ANKRD6: variants seen among roughly 807,000 people sequenced by gnomAD.
ANKRD6 encodes ankyrin repeat domain-containing protein 6.
In ANKRD6, 56 loss-of-function variants were observed where a neutral mutation model predicts 82.3. The observed-to-expected ratio is 0.68, with a 90% confidence interval of 0.55 to 0.85. The LOEUF (loss-of-function observed/expected upper bound fraction) is 0.85. Ranked by LOEUF, ANKRD6 falls within the 40% of genes least tolerant of loss-of-function variation. ANKRD6 has a pLI of 0.00. For synonymous variants in ANKRD6, 347 were observed against 352.1 expected (o/e 0.99, Z 0.16); for missense variants, 852 against 907.6 (o/e 0.94, Z 0.79).
At chr6:89,464,470 G>T (rs1774589756) in intron 1 of ANKRD6, among the ~76,000 whole-genome samples, 2 of 152,148 alleles carry the variant, frequency 1.3e-5, no homozygotes, top group Admixed American at 1.3e-4. Flanking sequence ...AGTGTTAACT[G>T]CAAGCGCTTA....
At chr6:89,590,317 A>G (rs920462437) in intron 2 of ANKRD6, among the ~76,000 whole-genome samples, 4 of 152,098 alleles carry the variant, frequency 2.6e-5, no homozygotes, top group African/African-American at 9.7e-5. Flanking sequence ...GGGAGGGTTT[A>G]TCCTGGCCCC....
chr6:89,596,087 A>G, intron 3 of ANKRD6, 73 bp downstream of exon 3: 1 of 1,297,028 alleles, frequency 7.7e-7, no homozygotes, highest in Non-Finnish European at 1.1e-6. Context: ...CACAAAGTGT[A>G]AGCTGTGAGA....
rs550161169 is a variant in ANKRD6, at chr6:89,522,114, C to T, written c.-143-44720C>T. ...AAACCTGAGGCCTGTTTTCAGTGTG[C>T]GCATTATGGTCCCATCATGGATGAG... is the stretch of plus-strand genomic sequence containing the variant. On this transcript the variant is annotated intron_variant, in intron 1 of 15. Transcript: ENST00000339746. Among the ~76,000 whole-genome samples the T allele has an allele frequency of 3.9e-5, 6 of 152,264 alleles. No homozygotes were observed. The South Asian group carries it at 1.0e-3, about 26-fold the overall frequency.
In ANKRD6 at chr6:89,464,975, A is replaced by G. The variant is rs142533534; in HGVS notation, c.-144+31600A>G. Among the ~76,000 whole-genome samples the G allele has an allele frequency of 7.8e-3, 1,187 of 152,236 alleles. 18 individuals are homozygous for G. Among genetic ancestry groups the G allele is most frequent in the African/African-American group, 0.027 (1,110 of 41,532 alleles). Reference sequence around the variant, plus strand: ...TAATCTGAGTACAAACAAAGACACAACCTGAAAGGAGGGAACTATCAGCTT... The same window carrying G: ...TAATCTGAGTACAAACAAAGACACAGCCTGAAAGGAGGGAACTATCAGCTT... On this transcript the variant is annotated intron_variant, in intron 1 of 15. Transcript: ENST00000339746.
At chr6:89,582,234 G>C (rs940104713) in intron 2 of ANKRD6, among the ~76,000 whole-genome samples, 2 of 152,116 alleles carry the variant, frequency 1.3e-5, no homozygotes, top group African/African-American at 4.8e-5. Flanking sequence ...TAGAGATGGT[G>C]GGGGTGGAGT....
At chr6:89,630,354 A>C in intron 15 of ANKRD6, 79 bp from the exon 16 acceptor site, 2 of 1,495,140 alleles carry the variant, frequency 1.3e-6, no homozygotes, top group Non-Finnish European at 1.8e-6. Context: ...GATCCTTAAG[A>C]CTCTAAAATA....
chr6:89,489,705 G>C (rs1471383928), intron 1 of ANKRD6, among the ~76,000 whole-genome samples: 1 of 152,236 alleles, frequency 6.6e-6, no homozygotes, highest in East Asian at 1.9e-4. Context: ...TGGGGATACA[G>C]GAGCGAGGAC....
chr6:89,544,553 T>A (rs1047329897), intron 1 of ANKRD6, among the ~76,000 whole-genome samples: 25 of 150,706 alleles, frequency 1.7e-4, no homozygotes, highest in African/African-American at 2.9e-4. Flanking sequence ...TCGCTACTAA[T>A]AATACAAAAA....
chr6:89,438,226 A>G (rs1434059257), intron 1 of ANKRD6, among the ~76,000 whole-genome samples: 1 of 152,218 alleles, frequency 6.6e-6, no homozygotes, highest in Non-Finnish European at 1.5e-5. Context: ...GGTTTAATCT[A>G]GCTCACACAA....
chr6:89,441,244 G>A (rs1163456882), intron 1 of ANKRD6, among the ~76,000 whole-genome samples: 1 of 152,090 alleles, frequency 6.6e-6, no homozygotes, highest in Non-Finnish European at 1.5e-5. Flanking sequence ...TCTGCCTCCC[G>A]GGTTCAGGTG....
intron 1 of ANKRD6, among the ~76,000 whole-genome samples, chr6:89,549,426 G>A (rs1785525721): frequency 8.0e-6 from 1 of 124,506 alleles, no homozygotes; most frequent in African/African-American, 3.0e-5. Flanking sequence ...TCTGTCCGTA[G>A]CTATGTGATG....
At chr6:89,470,358 C>T (rs1775298876) in intron 1 of ANKRD6, among the ~76,000 whole-genome samples, 1 of 152,164 alleles carries the variant, frequency 6.6e-6, no homozygotes, top group African/African-American at 2.4e-5. Flanking sequence ...GTGGCTCTTG[C>T]CTATAATCCC....
chr6:89,448,590 CA>C (rs1255117487), intron 1 of ANKRD6, among the ~76,000 whole-genome samples: 2 of 152,172 alleles, frequency 1.3e-5, no homozygotes, highest in African/African-American at 4.8e-5. Flanking sequence ...AGATTTCTTT[CA>C]AAATTACTGC....
intron 2 of ANKRD6, chr6:89,581,465 G>A (rs953053831): frequency 6.6e-6 from 1 of 152,346 alleles, no homozygotes; most frequent in Non-Finnish European, 1.5e-5. Flanking sequence ...CACAGTGCCA[G>A]TGGTACACTG....
At chr6:89,456,959 G>A (rs1267129092) in intron 1 of ANKRD6, among the ~76,000 whole-genome samples, 1 of 152,180 alleles carries the variant, frequency 6.6e-6, no homozygotes, top group Non-Finnish European at 1.5e-5. Flanking sequence ...TGGCTGAGAG[G>A]TTCAGACCTT....
rs1348566264 is a variant in ANKRD6 at position 89,567,065 on chromosome 6, TCAA to T, written c.93_95del (p.Asn31del). 2 of 1,605,236 alleles carry T rather than the reference TCAA, an allele frequency of 1.2e-6. No homozygotes were observed. The highest frequency in any genetic ancestry group is 1.7e-6 in the Non-Finnish European group (2 of 1,175,716). On this transcript the variant is annotated inframe_deletion, in exon 2 of 16. Coordinates refer to ENST00000339746, the MANE Select transcript of ANKRD6 (RefSeq NM_001242809.2). ...CAAACAGAGAATGTGGTTCAGCTCA[TCAA>T]CAAGGGCGCCAGGGTAGCGGTTACC...
intron 5 of ANKRD6, among the ~76,000 whole-genome samples, chr6:89,606,876 T>A (rs889421681): frequency 7.4e-6 from 1 of 135,278 alleles, no homozygotes; most frequent in Non-Finnish European, 1.6e-5. Context: ...GGGGCGGGGG[T>A]GGGCCTTTTT....
At chr6:89,621,447 A>C (rs1803262686) in intron 9 of ANKRD6, 1 of 167,964 alleles carries the variant, frequency 6.0e-6, no homozygotes, top group African/African-American at 2.4e-5. Flanking sequence ...ATTTTGAATC[A>C]AATTGATGTG....
intron 5 of ANKRD6, among the ~76,000 whole-genome samples, chr6:89,607,774 G>C (rs964725346): frequency 6.6e-6 from 1 of 151,678 alleles, no homozygotes; most frequent in South Asian, 2.1e-4. Context: ...TCCTGCCTCA[G>C]CCTCCTAAGT....
Sources: gnomAD v4.1 joint callset for allele counts (sites outside exome capture counted in the v4.1 genomes callset) on GRCh38, gnomAD v4.1.1 for gene constraint, MANE v1.5 for transcripts, NCBI Gene and HGNC (gene_info 2026-07-23, HGNC 2026-07-21) for gene names.